The following ALDH1L1 variants were observed in gnomAD, a reference collection of about 807,000 sequenced individuals.
ALDH1L1 encodes cytosolic 10-formyltetrahydrofolate dehydrogenase.
In ALDH1L1, 68 loss-of-function variants were observed where a neutral mutation model predicts 101.1. The ratio of observed to expected loss-of-function variants is 0.67; its 90% CI spans 0.55 to 0.82. The LOEUF is 0.82. Ranked by LOEUF, ALDH1L1 falls within the 40% of genes least tolerant of loss-of-function variation. The probability of loss-of-function intolerance (pLI) is 0.00; values close to 1 mark genes in which losing one functional copy is unlikely to be tolerated. For missense variants in ALDH1L1, 1,087 were observed against 1,172.7 expected (o/e 0.93, Z 1.07); for synonymous variants, 486 against 470.8 (o/e 1.03, Z -0.42).
chr3:126,157,341 A>G lies in ALDH1L1; in HGVS notation c.528+2T>C. On this transcript the variant is annotated splice_donor_variant, in intron 4 of 22. Coordinates refer to ENST00000393434, the MANE Select transcript of ALDH1L1 (RefSeq NM_012190.4). LOFTEE classifies it high-confidence loss of function. ...AGGGCGCGGCCGGCTCCAGGTCCTC[A>G]CCATCCCTTTGATGCCTTCAGGGAA... The G allele has an allele frequency of 6.2e-7, 1 of 1,608,386 alleles. No individual in the cohort carries two copies. Among genetic ancestry groups the G allele is most frequent in the Non-Finnish European group, 8.5e-7 (1 of 1,175,836 alleles).
upstream of ALDH1L1, among the ~76,000 whole-genome samples, chr3:126,183,383 T>C (rs1373275526): frequency 1.3e-5 from 2 of 152,014 alleles, no homozygotes; most frequent in East Asian, 3.9e-4. Flanking sequence ...CAATATAAAA[T>C]GAAAAGAGAC....
intron 2 of ALDH1L1, chr3:126,160,425 T>A (rs1466621934): frequency 6.3e-6 from 1 of 159,646 alleles, no homozygotes; most frequent in Admixed American, 6.3e-5. Flanking sequence ...GATCATGGTC[T>A]CTCCCCTGAT....
At chr3:126,192,582 T>C (rs2108354995) in intron 1 of ALDH1L1, among the ~76,000 whole-genome samples, 1 of 152,348 alleles carries the variant, frequency 6.6e-6, no homozygotes. Context: ...GGAAACTTCA[T>C]ATGCCTCTTT....
intron 14 of ALDH1L1, among the ~76,000 whole-genome samples, chr3:126,127,759 G>A (rs1214835026): frequency 7.2e-5 from 11 of 152,250 alleles, no homozygotes; most frequent in Non-Finnish European, 1.5e-4. Flanking sequence ...TGCAGGCACA[G>A]TGAGGGTGGA....
chr3:126,180,374 C>T (rs2081452524), intron 1 of ALDH1L1, 102 bp downstream of exon 1: 4 of 883,642 alleles, frequency 4.5e-6, no homozygotes, highest in African/African-American at 1.8e-5. Flanking sequence ...CGGTGAGAAC[C>T]GAGTCCTGGA....
At chr3:126,112,987 T>A in intron 18 of ALDH1L1, 107 bp from the exon 19 acceptor site, 1 of 934,876 alleles carries the variant, frequency 1.1e-6, no homozygotes, top group Admixed American at 2.0e-5. Context: ...GAGGCACCCA[T>A]GTGTCCTGAT....
At position 126,160,949 on chromosome 3, in the gene ALDH1L1, ACAGGCTCTGTCCAAT is replaced by A. The variant is rs919224808; in HGVS notation, c.16_30del (p.Ile6_Leu10del). 1.4e-5 allele frequency: 23 copies of A among 1,614,134 alleles called. No individual in the cohort carries two copies. Among genetic ancestry groups the A allele is most frequent in the Non-Finnish European group, 1.9e-5 (23 of 1,180,050 alleles). The stretch of plus-strand genomic sequence containing the variant: ...AGGTGGCAGTAAACTTCCTGGCCAA[ACAGGCTCTGTCCAAT>A]CACTGCAATCTTCATGGTAGCAGGA... On this transcript the variant is annotated inframe_deletion, in exon 2 of 23. Transcript: ENST00000393434.
In ALDH1L1 at chr3:126,114,614, G is replaced by A. The variant is rs374944589; in HGVS notation, c.2025C>T (p.Gly675=). ...SNVKKVSLEL[G]GKSPLIIFAD... Reference sequence around the variant, plus strand: ...CAAAGATGATGAGGGGTGACTTCCCGCCCAGTTCCAGGGACACCTTCTTCA... The same window carrying A: ...CAAAGATGATGAGGGGTGACTTCCCACCCAGTTCCAGGGACACCTTCTTCA... Residue 675 remains glycine (G), a synonymous_variant, in exon 18 of 23, where the codon GGC becomes GGT. Transcript: ENST00000393434. The A allele has an allele frequency of 9.9e-6, 15 of 1,515,314 alleles. No homozygotes were observed. The Admixed American group carries it at 1.1e-4, about 11-fold the overall frequency. The allele number at this position is 1,515,314 out of a possible 1,614,324, so 93.9% of individuals were successfully genotyped here.
At chr3:126,186,753 G>T (rs1165689911) in intron 1 of ALDH1L1, among the ~76,000 whole-genome samples, 2 of 152,208 alleles carry the variant, frequency 1.3e-5, no homozygotes, top group Admixed American at 1.3e-4. Context: ...ACCAGGCCCC[G>T]TGAAGGGTGG....
At chr3:126,167,752 T>C (rs773011589) in intron 1 of ALDH1L1, among the ~76,000 whole-genome samples, 25 of 151,944 alleles carry the variant, frequency 1.6e-4, no homozygotes, top group Non-Finnish European at 2.8e-4. Flanking sequence ...TCATAAAGAG[T>C]ATTGCCCAAC....
chr3:126,119,416 C>A (rs569159984), intron 16 of ALDH1L1, among the ~76,000 whole-genome samples: 10 of 152,352 alleles, frequency 6.6e-5, no homozygotes, highest in Middle Eastern at 3.4e-3. Context: ...CTTCTCCTGG[C>A]AGCCATTTGG....
At chr3:126,178,446 G>A (rs9847790) in intron 1 of ALDH1L1, among the ~76,000 whole-genome samples, 38,005 of 149,760 alleles carry the variant, frequency 0.25, 5,813 homozygotes, top group African/African-American at 0.44. Flanking sequence ...AGGAGAAAGC[G>A]CGCAGGAAGG....
At chr3:126,185,935 G>T (rs1266648447), upstream of ALDH1L1, among the ~76,000 whole-genome samples, 2 of 152,150 alleles carry the variant, frequency 1.3e-5, no homozygotes, top group African/African-American at 4.8e-5. Flanking sequence ...AGTTAACCCA[G>T]CCACAATAGG....
chr3:126,149,849 G>A (rs1008363650), intron 8 of ALDH1L1, among the ~76,000 whole-genome samples: 1 of 152,168 alleles, frequency 6.6e-6, no homozygotes, highest in African/African-American at 2.4e-5. Context: ...TCTCCACCCA[G>A]GGAAGAAGGA....
rs2080970357 is a variant in ALDH1L1, at chr3:126,158,620, A to G, written c.147T>C (p.Asp49=). The change falls in exon 3 of 23, where the codon GAT becomes GAC. Residue 49 remains aspartate (D), a synonymous_variant. Coordinates refer to ENST00000393434, the MANE Select transcript of ALDH1L1 (RefSeq NM_012190.4). The part of the protein sequence containing the change: ...ADPLGLEAEK[D]GVPVFKYSRW... ...GGGAGTACTTGAATACCGGCACTCC[A>G]TCCTTCTCAGCTTCCAGACCTGTGG... The G allele has an allele frequency of 6.2e-7, 1 of 1,612,760 alleles. No homozygotes were observed. The highest frequency in any genetic ancestry group is 1.3e-5 in the African/African-American group (1 of 74,906).
chr3:126,132,391 C>G (rs972830125), intron 12 of ALDH1L1, among the ~76,000 whole-genome samples: 1 of 152,208 alleles, frequency 6.6e-6, no homozygotes, highest in Non-Finnish European at 1.5e-5. Context: ...CACCAGGACC[C>G]GTGACAGCTG....
intron 1 of ALDH1L1, among the ~76,000 whole-genome samples, chr3:126,188,014 A>G (rs1320808579): frequency 6.6e-6 from 1 of 152,242 alleles, no homozygotes; most frequent in Admixed American, 6.5e-5. Flanking sequence ...TGGCTGCTAC[A>G]CGGTCAGGCT....
intron 20 of ALDH1L1, chr3:126,108,119 A>G (rs1193548957): frequency 6.6e-6 from 1 of 152,260 alleles, no homozygotes; most frequent in Non-Finnish European, 1.5e-5. Context: ...TGACTCATGT[A>G]CATGCATAGT....
chr3:126,136,968 A>C, intron 10 of ALDH1L1, 85 bp from the exon 11 acceptor site: 1 of 1,548,710 alleles, frequency 6.5e-7, no homozygotes, highest in Non-Finnish European at 8.8e-7. Context: ...ACACACACAC[A>C]CTGCCCAGGG....
Sources: allele counts gnomAD v4.1 joint callset (sites outside exome capture counted in the v4.1 genomes callset), GRCh38; gene constraint gnomAD v4.1.1; transcripts MANE v1.5; gene names NCBI Gene and HGNC (gene_info 2026-07-23, HGNC 2026-07-21).